Variants in SPATA18 observed in about 807,000 individuals in gnomAD.
The protein encoded by SPATA18 is spermatogenesis associated 18, also known as mitochondria-eating protein.
SPATA18 carries 54 observed loss-of-function variants against 68.1 expected under a neutral mutation model. The observed-to-expected ratio is 0.79, with a 90% CI of 0.64 to 0.99. The LOEUF is 0.99. SPATA18 is among the 50% of genes least tolerant of loss of function. The probability of loss-of-function intolerance (pLI) is 0.00; values close to 1 mark genes in which losing one functional copy is unlikely to be tolerated. For synonymous variants in SPATA18, 242 were observed against 244.8 expected, an observed-to-expected ratio of 0.99 and a Z score of 0.11; for missense variants, 724 against 681.1, an observed-to-expected ratio of 1.06 and a Z score of -0.70.
In SPATA18 at chr4:52,082,288, C is replaced by A. The variant is rs977805541; in HGVS notation, c.1356-99C>A. 51 of 1,147,152 alleles carry A rather than the reference C, an allele frequency of 4.4e-5. No individual in the cohort carries two copies. The Admixed American group carries it at 9.3e-4, about 21-fold the overall frequency. The allele number at this position is 1,147,152 out of a possible 1,614,324, so 71.1% of individuals were successfully genotyped here. On this transcript the variant is annotated intron_variant, in intron 9 of 12. Coordinates refer to ENST00000295213, the MANE Select transcript of SPATA18 (RefSeq NM_145263.4). ...GAATTTGACCTATATTTACTCAGAT[C>A]TGAGCATAATACAAAATGAGAATTC...
chr4:52,082,914 A>G (rs1489545801), intron 10 of SPATA18: 1 of 985,274 alleles, frequency 1.0e-6, no homozygotes, highest in African/African-American at 1.7e-5. Flanking sequence ...GTTTTGGGAA[A>G]CTGCCAATGT....
In SPATA18 at chr4:52,060,438, A is replaced by G. The variant is rs760261292; in HGVS notation, c.107A>G (p.Asn36Ser). The change falls in exon 2 of 13, where the codon AAT (asparagine) becomes AGT (serine). Residue 36 changes from asparagine (N) to serine (S), a missense_variant. Physicochemically the swap from Asn to Ser is conservative, Grantham distance 46. Transcript: ENST00000295213. The part of the protein sequence containing the change: ...KEYNTNTCDQ[N>S]LNHCLELIEQ... ...TTGCAGACAAACACGTGTGATCAAA[A>G]TCTAAACCATTGCCTTGAACTCATT... The G allele has an allele frequency of 3.1e-6, 5 of 1,614,030 alleles. No homozygotes were observed. In the Admixed American group the frequency reaches 8.3e-5, roughly 27 times the overall value.
intron 1 of SPATA18, among the ~76,000 whole-genome samples, chr4:52,057,337 G>C (rs952327418): frequency 6.6e-6 from 1 of 152,134 alleles, no homozygotes; most frequent in Non-Finnish European, 1.5e-5. Context: ...TCTTGTGTGG[G>C]TATGTAAGTA....
At position 52,088,581 on chromosome 4, in the gene SPATA18, C is replaced by T. The variant is rs180730014; in HGVS notation, c.1563+3582C>T. On this transcript the variant is annotated intron_variant, in intron 11 of 12. Coordinates refer to ENST00000295213, the MANE Select transcript of SPATA18 (RefSeq NM_145263.4). ...TTGGTTCTGTTTATGTGATGGATTA[C>T]GTTTATTGATTTGCATATATTGAAC... is the stretch of plus-strand genomic sequence containing the variant. Among the ~76,000 whole-genome samples, 514 of 152,150 alleles carry T rather than the reference C, an allele frequency of 3.4e-3. 1 individual carries two copies. Among genetic ancestry groups the T allele is most frequent in the Non-Finnish European group, 5.7e-3 (385 of 67,996 alleles).
chr4:52,076,695 G>A (rs1181219155), intron 6 of SPATA18, 84 bp from the exon 7 acceptor site: 3 of 1,565,414 alleles, frequency 1.9e-6, no homozygotes, highest in Middle Eastern at 1.7e-4. Flanking sequence ...CCGGATGGTC[G>A]GATTCATTGG....
Position 52,051,577 on chromosome 4 carries a change from T to A in SPATA18, c.-128T>A. 1 of 891,390 alleles carries A rather than the reference T, an allele frequency of 1.1e-6. No homozygotes were observed. The highest frequency in any genetic ancestry group is 1.5e-5 in the South Asian group (1 of 68,678). 55.2% of individuals were successfully genotyped at this position (891,390 alleles called of 1,614,324 possible). A position where few individuals can be genotyped will look rare whatever the true frequency, so the allele number is the denominator to read the frequency against. On this transcript the variant is annotated 5_prime_UTR_variant, in exon 1 of 13. Coordinates refer to ENST00000295213, the MANE Select transcript of SPATA18 (RefSeq NM_145263.4). The stretch of plus-strand genomic sequence containing the variant: ...ACCCGAGGGGGAGGATGGAAACACC[T>A]GCCGCGCTCTGAGCCCCCCAGAAGA...
chr4:52,057,114 ATCC>A, intron 1 of SPATA18, among the ~76,000 whole-genome samples: 1 of 151,792 alleles, frequency 6.6e-6, no homozygotes, highest in African/African-American at 2.4e-5. Context: ...GTAATTATTT[ATCC>A]CCTTGTTCTT....
chr4:52,079,810 C>T lies in SPATA18; in HGVS notation c.1246C>T (p.Leu416Phe), dbSNP rs1472916264. 2 of 1,614,034 alleles carry T rather than the reference C, an allele frequency of 1.2e-6. No homozygotes were observed. Among genetic ancestry groups the T allele is most frequent in the Non-Finnish European group, 1.7e-6 (2 of 1,179,948 alleles). ...SFPPVVDFCL[L>F]SDFIQEICCI... ...CCCTCCTGTCGTTGACTTTTGCCTT[C>T]TCAGTGACTTCATCCAGGAGATATG... Residue 416 changes from leucine to phenylalanine, a missense_variant, in exon 9 of 13, where the codon CTC becomes TTC. Leu to Phe is a conservative substitution (Grantham distance 22). Coordinates refer to ENST00000295213, the MANE Select transcript of SPATA18 (RefSeq NM_145263.4).
At chr4:52,074,995 A>G (rs1304009047) in intron 6 of SPATA18, among the ~76,000 whole-genome samples, 1 of 152,192 alleles carries the variant, frequency 6.6e-6, no homozygotes, top group Non-Finnish European at 1.5e-5. Flanking sequence ...AGGCTTGGTT[A>G]TAATCCAGGA....
chr4:52,094,670 A>G (rs1742276388), intron 12 of SPATA18, 98 bp downstream of exon 12: 2 of 1,385,882 alleles, frequency 1.4e-6, no homozygotes, highest in Admixed American at 3.5e-5. Context: ...TGCTTCCTAG[A>G]GAGCATCTTT....
At chr4:52,064,079 T>C (rs1739116529) in intron 4 of SPATA18, among the ~76,000 whole-genome samples, 2 of 152,120 alleles carry the variant, frequency 1.3e-5, no homozygotes, top group Non-Finnish European at 2.9e-5. Context: ...TTGAAAATAA[T>C]TTCAAACACA....
chr4:52,094,142 A>AT (rs1742222208), intron 11 of SPATA18, among the ~76,000 whole-genome samples: 1 of 151,982 alleles, frequency 6.6e-6, no homozygotes, highest in Non-Finnish European at 1.5e-5. Flanking sequence ...AAAGATGAAG[A>AT]TTTTCTGGTT....
intron 1 of SPATA18, among the ~76,000 whole-genome samples, chr4:52,058,405 T>G (rs1237626154): frequency 2.0e-5 from 3 of 152,152 alleles, no homozygotes; most frequent in Non-Finnish European, 4.4e-5. Context: ...GCATGGAAAT[T>G]AACCCAGCTG....
chr4:52,075,468 C>G (rs1432124680), intron 6 of SPATA18, among the ~76,000 whole-genome samples: 1 of 152,092 alleles, frequency 6.6e-6, no homozygotes, highest in African/African-American at 2.4e-5. Context: ...GGGCCATGCT[C>G]TAATTTTTGG....
chr4:52,082,401 A>T lies in SPATA18; in HGVS notation c.1370A>T (p.Tyr457Phe), dbSNP rs368519605. 5 of 1,613,866 alleles carry T rather than the reference A, an allele frequency of 3.1e-6. No individual in the cohort carries two copies. Among genetic ancestry groups the T allele is most frequent in the Non-Finnish European group, 4.2e-6 (5 of 1,179,906 alleles). ...ATTGAAAACAGATACCGCCGCAGCTACGACTCGGATTTCACTGCTCCCTTA... is the reference window on the plus strand; with the variant it reads ...ATTGAAAACAGATACCGCCGCAGCTTCGACTCGGATTTCACTGCTCCCTTA... ...VFNDCKYRRS[Y>F]DSDFTAPLVL... Residue 457 changes from tyrosine (Y) to phenylalanine (F), a missense_variant, in exon 10 of 13, where the codon TAC becomes TTC. Physicochemically the swap from Tyr to Phe is conservative, Grantham distance 22. Coordinates refer to ENST00000295213, the MANE Select transcript of SPATA18 (RefSeq NM_145263.4).
At position 52,060,540 on chromosome 4, in the gene SPATA18, A is replaced by C; in HGVS notation, c.193+16A>C. On this transcript the variant is annotated intron_variant, in intron 2 of 12. Coordinates refer to ENST00000295213, the MANE Select transcript of SPATA18 (RefSeq NM_145263.4). ...GCCCAAGAAGGTGAGAATGGCCTGT[A>C]ATTTCCCATCCAGTTCTGCTTGCCT... The C allele has an allele frequency of 6.2e-7, 1 of 1,605,524 alleles. No homozygotes were observed. Among genetic ancestry groups the C allele is most frequent in the Non-Finnish European group, 8.5e-7 (1 of 1,172,534 alleles).
At chr4:52,063,039 C>T (rs1168187508) in intron 4 of SPATA18, among the ~76,000 whole-genome samples, 1 of 152,102 alleles carries the variant, frequency 6.6e-6, no homozygotes, top group Non-Finnish European at 1.5e-5. Flanking sequence ...GGCAGGTAGA[C>T]AAATATGTAT....
chr4:52,054,089 G>A (rs1435608661), intron 1 of SPATA18, among the ~76,000 whole-genome samples: 1 of 152,170 alleles, frequency 6.6e-6, no homozygotes, highest in Admixed American at 6.5e-5. Flanking sequence ...TGATGGACAG[G>A]TTCTATATCT....
intron 4 of SPATA18, among the ~76,000 whole-genome samples, chr4:52,063,124 A>G (rs1260204034): frequency 2.0e-5 from 3 of 152,232 alleles, no homozygotes; most frequent in Admixed American, 6.5e-5. Flanking sequence ...TTCATTGCTG[A>G]CATAAATGGG....
Sources: allele counts gnomAD v4.1 joint callset (sites outside exome capture counted in the v4.1 genomes callset), GRCh38; gene constraint gnomAD v4.1.1; transcripts MANE v1.5; gene names NCBI Gene and HGNC (gene_info 2026-07-23, HGNC 2026-07-21).